Variants in MAPRE2 observed in about 807,000 individuals in gnomAD.
MAPRE2 encodes the protein microtubule-associated protein RP/EB family member 2.
Under a neutral mutation model 43.2 loss-of-function variants are expected in MAPRE2, and 13 were observed. That is an observed-to-expected ratio of 0.30 (90% CI 0.20 to 0.48). MAPRE2 has a LOEUF of 0.48. Among genes scored for constraint, MAPRE2 ranks in the 20% least tolerant of loss-of-function variants. The probability of loss-of-function intolerance (pLI) is 0.99; values close to 1 mark genes in which losing one functional copy is unlikely to be tolerated. For synonymous variants in MAPRE2, 135 were observed against 148.8 expected (o/e 0.91, Z 0.68); for missense variants, 161 against 400.2 (o/e 0.40, Z 5.10).
At chr18:35,097,616 A>G in intron 3 of MAPRE2, 25 bp downstream of exon 3, 6 of 1,592,076 alleles carry the variant, frequency 3.8e-6, no homozygotes, top group Non-Finnish European at 5.1e-6. Context: ...CCTCCATAAA[A>G]TGTGTTGTTT....
At chr18:35,101,590 T>C (rs1021945187) in intron 3 of MAPRE2, among the ~76,000 whole-genome samples, 6 of 152,192 alleles carry the variant, frequency 3.9e-5, no homozygotes, top group African/African-American at 1.4e-4. Context: ...TGCCTATGAA[T>C]TCGCTTGTTT....
intron 1 of MAPRE2, among the ~76,000 whole-genome samples, chr18:35,065,148 A>G (rs1367464959): frequency 5.9e-5 from 9 of 152,148 alleles, no homozygotes; most frequent in African/African-American, 2.2e-4. Context: ...TACCAAAAAA[A>G]TTAGCTGGGC....
chr18:35,067,207 C>T (rs1322563730), intron 1 of MAPRE2, among the ~76,000 whole-genome samples: 1 of 152,166 alleles, frequency 6.6e-6, no homozygotes, highest in Middle Eastern at 3.2e-3. Context: ...TTCTAAAGCC[C>T]AGATCTGGTG....
chr18:35,075,859 T>A (rs1034180491), intron 2 of MAPRE2, among the ~76,000 whole-genome samples: 1 of 152,214 alleles, frequency 6.6e-6, no homozygotes, highest in Non-Finnish European at 1.5e-5. Context: ...ACTAATGCAC[T>A]GGTTGAAAGG....
intron 2 of MAPRE2, among the ~76,000 whole-genome samples, chr18:35,033,253 G>T (rs992444725): frequency 6.6e-6 from 1 of 152,120 alleles, no homozygotes; most frequent in Admixed American, 6.5e-5. Context: ...CAGAACCAAA[G>T]ACAAAAACCA....
rs1400323042 is a variant in MAPRE2 at position 34,985,267 on chromosome 18, T to A, written c.-70+8188T>A. ...ATATAAAATATATAATATAATATAT[T>A]ATATAATATAATATATTATATATTA... On this transcript the variant is annotated intron_variant, in intron 1 of 7. Transcript: ENST00000413393. 1.9e-3 allele frequency among the ~76,000 whole-genome samples: 71 copies of A among 38,066 alleles called. 2 individuals are homozygous for A. The highest frequency in any genetic ancestry group is 6.5e-3 in the African/African-American group (68 of 10,534). 25.0% of individuals were successfully genotyped at this position (38,066 alleles called of 152,430 possible).
intron 6 of MAPRE2, among the ~76,000 whole-genome samples, chr18:35,139,074 C>A (rs1003691247): frequency 7.2e-5 from 11 of 152,044 alleles, no homozygotes; most frequent in African/African-American, 2.7e-4. Flanking sequence ...GATTCCAAAT[C>A]AGTGTCATAG....
chr18:35,027,922 C>T (rs1458706018), intron 2 of MAPRE2, among the ~76,000 whole-genome samples: 2 of 152,160 alleles, frequency 1.3e-5, no homozygotes, highest in Non-Finnish European at 2.9e-5. Flanking sequence ...CTTCCCCTCC[C>T]TCTCCATGTG....
upstream of MAPRE2, chr18:35,041,356 T>C (rs1402353475): frequency 6.9e-7 from 1 of 1,444,920 alleles, no homozygotes; most frequent in Admixed American, 2.7e-5. Flanking sequence ...GCCGGCGCTC[T>C]GACGTCAGCT....
chr18:34,999,301 ATG>A (rs2097028168), intron 1 of MAPRE2, among the ~76,000 whole-genome samples: 1 of 152,218 alleles, frequency 6.6e-6, no homozygotes, highest in African/African-American at 2.4e-5. Context: ...ACTATAATAT[ATG>A]TGTTATTTCC....
intron 1 of MAPRE2, among the ~76,000 whole-genome samples, chr18:35,064,372 G>GA (rs11408873): frequency 0.31 from 46,589 of 151,730 alleles, 9,074 homozygotes; most frequent in East Asian, 0.55. Flanking sequence ...AGTGATCGGT[G>GA]AAGTGTGAAA....
chr18:35,130,005 T>C (rs763101658), intron 5 of MAPRE2, among the ~76,000 whole-genome samples: 11 of 152,228 alleles, frequency 7.2e-5, no homozygotes, highest in Non-Finnish European at 7.3e-5. Flanking sequence ...ACCTAATGCA[T>C]GTGGAATATC....
At chr18:34,985,585 A>G (rs1229600386) in intron 1 of MAPRE2, among the ~76,000 whole-genome samples, 1 of 84,806 alleles carries the variant, frequency 1.2e-5, no homozygotes, top group African/African-American at 4.9e-5. Context: ...TAAACTATAA[A>G]CTATAATATA....
chr18:35,124,336 C>T (rs1439113327), intron 4 of MAPRE2, among the ~76,000 whole-genome samples: 51 of 152,144 alleles, frequency 3.4e-4, no homozygotes, highest in Admixed American at 3.2e-3. Flanking sequence ...TGGAGGTAAC[C>T]GCCCCCCATG....
intron 2 of MAPRE2, among the ~76,000 whole-genome samples, chr18:35,088,238 G>A (rs1907970305): frequency 6.6e-6 from 1 of 152,228 alleles, no homozygotes; most frequent in Admixed American, 6.5e-5. Context: ...GGCATAGTAA[G>A]GGAGGACCTC....
chr18:35,131,522 A>G (rs1413968269), intron 5 of MAPRE2, among the ~76,000 whole-genome samples: 1 of 152,150 alleles, frequency 6.6e-6, no homozygotes, highest in Non-Finnish European at 1.5e-5. Flanking sequence ...TCACATGCTG[A>G]AAGGATGAAT....
chr18:34,989,891 A>G lies in MAPRE2; in HGVS notation c.-70+12812A>G, dbSNP rs115040330. ...GCATTAATATTTGAGAAACATTGATATGGAAAGCCTTTCCTAACCTCCTAA... is the reference window on the plus strand; with the variant it reads ...GCATTAATATTTGAGAAACATTGATGTGGAAAGCCTTTCCTAACCTCCTAA... On this transcript the variant is annotated intron_variant, in intron 1 of 7. Transcript: ENST00000413393. 6.2e-3 allele frequency among the ~76,000 whole-genome samples: 950 copies of G among 152,264 alleles called. 5 individuals carry two copies. The highest frequency in any genetic ancestry group is 0.022 in the African/African-American group (897 of 41,544).
At chr18:35,015,719 T>C (rs1009047040) in intron 2 of MAPRE2, among the ~76,000 whole-genome samples, 2 of 151,468 alleles carry the variant, frequency 1.3e-5, no homozygotes, top group African/African-American at 4.9e-5. Flanking sequence ...AATTTTTTCC[T>C]TTCTACAGTT....
intron 1 of MAPRE2, among the ~76,000 whole-genome samples, chr18:35,065,625 C>T (rs1002790007): frequency 1.2e-4 from 18 of 152,172 alleles, no homozygotes; most frequent in African/African-American, 4.1e-4. Context: ...CCAATCTCAA[C>T]TCACTGCAAC....
Sources: allele counts gnomAD v4.1 joint callset (sites outside exome capture counted in the v4.1 genomes callset), GRCh38; gene constraint gnomAD v4.1.1; transcripts MANE v1.5; gene names NCBI Gene and HGNC (gene_info 2026-07-23, HGNC 2026-07-21).